KCNMA1: variants seen among roughly 807,000 people sequenced by gnomAD.
The protein encoded by KCNMA1 is Calcium-activated potassium channel subunit alpha-1.
Under a neutral mutation model 140.0 loss-of-function variants are expected in KCNMA1, and 29 were observed. The observed-to-expected ratio is 0.21, with a 90% CI of 0.15 to 0.28. The LOEUF (loss-of-function observed/expected upper bound fraction) is 0.28, where lower values mean the gene tolerates loss of function less well. KCNMA1 is among the 10% of genes least tolerant of loss of function. The probability of loss-of-function intolerance (pLI) is 1.00; values close to 1 mark genes in which losing one functional copy is unlikely to be tolerated. For synonymous variants in KCNMA1, 612 were observed against 611.9 expected, an observed-to-expected ratio of 1.00 and a Z score of 0.00; for missense variants, 880 against 1,602.2, an observed-to-expected ratio of 0.55 and a Z score of 7.70.
chr10:77,167,833 G>C (rs1597713788), intron 5 of KCNMA1, among the ~76,000 whole-genome samples: 1 of 151,860 alleles, frequency 6.6e-6, no homozygotes. Context: ...CAAACATGCA[G>C]CATCATGTCT....
At chr10:77,348,540 C>T (rs1042687646) in intron 2 of KCNMA1, among the ~76,000 whole-genome samples, 1 of 152,194 alleles carries the variant, frequency 6.6e-6, no homozygotes, top group African/African-American at 2.4e-5. Context: ...AGCTGAGACC[C>T]AGCCCAGAAC....
chr10:77,479,246 A>G (rs1470704438), intron 1 of KCNMA1, among the ~76,000 whole-genome samples: 1 of 152,232 alleles, frequency 6.6e-6, no homozygotes. Flanking sequence ...CTCTTTTCAC[A>G]TAAAGAAGCT....
At chr10:77,166,408 C>G (rs1240434977) in intron 5 of KCNMA1, among the ~76,000 whole-genome samples, 1 of 152,104 alleles carries the variant, frequency 6.6e-6, no homozygotes, top group Admixed American at 6.5e-5. Context: ...TACTGGGCAA[C>G]AGATGTGGTA....
At chr10:77,341,034 G>A (rs1232131315) in intron 2 of KCNMA1, among the ~76,000 whole-genome samples, 1 of 152,124 alleles carries the variant, frequency 6.6e-6, no homozygotes, top group South Asian at 2.1e-4. Context: ...AGGTCCCAGG[G>A]TCATGGCCTC....
intron 14 of KCNMA1, among the ~76,000 whole-genome samples, chr10:77,056,403 A>C (rs1444125820): frequency 6.6e-6 from 1 of 151,912 alleles, no homozygotes; most frequent in Middle Eastern, 3.2e-3. Context: ...AATAACAATA[A>C]TAATAATAAA....
intron 25 of KCNMA1, among the ~76,000 whole-genome samples, chr10:76,892,066 G>C (rs1163648476): frequency 6.6e-6 from 1 of 152,046 alleles, no homozygotes; most frequent in Non-Finnish European, 1.5e-5. Flanking sequence ...ATGAGATTCT[G>C]GACACGTGTA....
intron 2 of KCNMA1, among the ~76,000 whole-genome samples, chr10:77,381,114 T>C (rs1251543531): frequency 6.6e-6 from 1 of 152,184 alleles, no homozygotes; most frequent in Non-Finnish European, 1.5e-5. Context: ...ATTCAGGCTC[T>C]CATCCATTCG....
intron 1 of KCNMA1, among the ~76,000 whole-genome samples, chr10:77,589,606 T>C (rs2078355716): frequency 1.3e-5 from 2 of 152,224 alleles, no homozygotes. Flanking sequence ...ACTTCAAGAA[T>C]GAAGCCGCAG....
At chr10:77,120,059 A>C (rs1191630954) in intron 6 of KCNMA1, among the ~76,000 whole-genome samples, 1 of 152,220 alleles carries the variant, frequency 6.6e-6, no homozygotes, top group Non-Finnish European at 1.5e-5. Context: ...CAGATATATT[A>C]ATTACAAATC....
chr10:77,203,680 G>A (rs1364289460), intron 3 of KCNMA1, among the ~76,000 whole-genome samples: 1 of 152,042 alleles, frequency 6.6e-6, no homozygotes, highest in Non-Finnish European at 1.5e-5. Context: ...AAAAATAAAT[G>A]AATTGAGGGA....
chr10:77,513,611 A>C (rs1156273506), intron 1 of KCNMA1, among the ~76,000 whole-genome samples: 4 of 152,240 alleles, frequency 2.6e-5, no homozygotes, highest in Non-Finnish European at 4.4e-5. Flanking sequence ...AATAGGAAAC[A>C]AGGGGAGAAG....
At chr10:76,941,112 G>GA in intron 23 of KCNMA1, among the ~76,000 whole-genome samples, 1 of 62,870 alleles carries the variant, frequency 1.6e-5, no homozygotes, top group East Asian at 5.0e-4. Context: ...GGGAGGGAGG[G>GA]AGGGAGGGAA....
At position 77,090,494 on chromosome 10, in the gene KCNMA1, C is replaced by T. The variant is rs1443089142; in HGVS notation, c.1240G>A (p.Gly414Arg). The T allele has an allele frequency of 6.2e-7, 1 of 1,613,428 alleles. No individual in the cohort carries two copies. The highest frequency in any genetic ancestry group is 8.5e-7 in the Non-Finnish European group (1 of 1,179,380). The change falls in exon 10 of 28, where the codon GGA (glycine) becomes AGA (arginine). Residue 414 changes from glycine to arginine, a missense_variant. Gly to Arg is a moderately radical substitution (Grantham distance 125). Around this residue, in one of 13 missense-constraint regions of KCNMA1, gnomAD observed 198 missense variants for 580.1 expected, o/e 0.34. Transcript: ENST00000286628. ...VSGRKHIVVC[G>R]HITLESVSNF... ...GAAACACTCTCCAGAGTGATGTGTC[C>T]GCAGACCACAATGTGCCTGAACAGG... is the stretch of plus-strand genomic sequence containing the variant.
intron 1 of KCNMA1, among the ~76,000 whole-genome samples, chr10:77,430,750 A>G (rs2154494222): frequency 6.6e-6 from 1 of 152,308 alleles, no homozygotes; most frequent in South Asian, 2.1e-4. Context: ...AATCTACTAT[A>G]AGTACAACTC....
At chr10:77,162,506 G>A (rs1365149775) in intron 5 of KCNMA1, among the ~76,000 whole-genome samples, 2 of 152,096 alleles carry the variant, frequency 1.3e-5, no homozygotes, top group Non-Finnish European at 2.9e-5. Flanking sequence ...GAAAAGATGG[G>A]GGTTTTTGTT....
At chr10:77,215,463 T>C (rs1302351133) in intron 3 of KCNMA1, among the ~76,000 whole-genome samples, 1 of 151,990 alleles carries the variant, frequency 6.6e-6, no homozygotes, top group Non-Finnish European at 1.5e-5. Context: ...ATTACATTTA[T>C]TGTTTTACTT....
At chr10:77,394,425 G>A (rs2095960905) in intron 2 of KCNMA1, among the ~76,000 whole-genome samples, 2 of 152,356 alleles carry the variant, frequency 1.3e-5, no homozygotes, top group African/African-American at 4.8e-5. Context: ...CTGGCCTGCA[G>A]GCCCTGATCA....
intron 2 of KCNMA1, among the ~76,000 whole-genome samples, chr10:77,362,433 A>G (rs576981535): frequency 2.7e-5 from 4 of 148,996 alleles, no homozygotes; most frequent in Non-Finnish European, 3.0e-5. Context: ...AAAGATTTGC[A>G]TTCAAATCCA....
intron 14 of KCNMA1, among the ~76,000 whole-genome samples, chr10:77,065,843 C>T (rs890785007): frequency 6.6e-5 from 10 of 152,054 alleles, no homozygotes; most frequent in African/African-American, 2.4e-4. Context: ...AGAGGAAAGA[C>T]TCAACTGAGA....
Sources: allele counts gnomAD v4.1 joint callset (sites outside exome capture counted in the v4.1 genomes callset), GRCh38; gene constraint gnomAD v4.1.1; regional missense constraint gnomAD v4.1.1; transcripts MANE v1.5; gene names NCBI Gene and HGNC (gene_info 2026-07-23, HGNC 2026-07-21).